The following NEMP2 variants were observed in gnomAD, a reference collection of about 807,000 sequenced individuals.
NEMP2 encodes nuclear envelope integral membrane protein 2, also known as UPF0571 transmembrane protein.
NEMP2 carries 53 observed loss-of-function variants against 54.2 expected under a neutral mutation model. The observed-to-expected ratio is 0.98, with a 90% CI of 0.78 to 1.23. NEMP2 has a LOEUF of 1.23. Ranked by LOEUF, NEMP2 falls within the 50% of genes most tolerant of loss-of-function variation. The pLI is 0.00. For missense variants in NEMP2, 455 were observed against 511.3 expected (o/e 0.89, Z 1.06); for synonymous variants, 197 against 190.3 (o/e 1.04, Z -0.29).
At chr2:190,623,515 A>C in the NEMP2 span, among the ~76,000 whole-genome samples, 2 of 152,228 alleles carry the variant, frequency 1.3e-5, no homozygotes, top group African/African-American at 4.8e-5. Flanking sequence ...AAATCCATGC[A>C]TTTACAGCTA....
At chr2:190,596,069 A>G in the NEMP2 span, among the ~76,000 whole-genome samples, 3 of 152,256 alleles carry the variant, frequency 2.0e-5, no homozygotes, top group Admixed American at 1.3e-4. This position sits in a 1 kb window ranked among gnomAD's most constrained non-coding sequence, Gnocchi z 5.1. Context: ...CTATGCAGCC[A>G]TAAAAAAGGA....
At chr2:190,639,243 A>C in the NEMP2 span, among the ~76,000 whole-genome samples, 1 of 151,990 alleles carries the variant, frequency 6.6e-6, no homozygotes, top group East Asian at 1.9e-4. Flanking sequence ...ATGGTCAAAG[A>C]ATTTGGTGTG....
At chr2:190,575,152 G>A in the NEMP2 span, among the ~76,000 whole-genome samples, 2 of 151,972 alleles carry the variant, frequency 1.3e-5, no homozygotes, top group African/African-American at 4.8e-5. Context: ...ACCGTGCCCA[G>A]CCGACTCTGT....
chr2:190,546,157 T>G, the NEMP2 span, among the ~76,000 whole-genome samples: 1 of 152,196 alleles, frequency 6.6e-6, no homozygotes, highest in Admixed American at 6.6e-5. This position sits in a 1 kb window ranked among gnomAD's most constrained non-coding sequence, Gnocchi z 5.1. Context: ...AAATACACAG[T>G]CAGCCCCTCC....
intron 6 of NEMP2, 136 bp downstream of exon 6, chr2:190,516,131 ATAT>A: frequency 1.8e-6 from 1 of 565,022 alleles, no homozygotes; most frequent in Non-Finnish European, 3.1e-6. Flanking sequence ...GATAAACAAA[ATAT>A]TATTTTTAGT....
At chr2:190,593,730 A>G in the NEMP2 span, among the ~76,000 whole-genome samples, 7 of 152,208 alleles carry the variant, frequency 4.6e-5, no homozygotes, top group Non-Finnish European at 8.8e-5. This position sits in a 1 kb window ranked among gnomAD's most constrained non-coding sequence, Gnocchi z 4.5. Flanking sequence ...AACTGTTGCT[A>G]TATAATGGAA....
At chr2:190,497,837 A>C in the NEMP2 span, 1 of 1,214,556 alleles carries the variant, frequency 8.2e-7, no homozygotes, top group South Asian at 1.5e-5. This position sits in a 1 kb window ranked among gnomAD's most constrained non-coding sequence, Gnocchi z 5.2. Flanking sequence ...GGTGGGGGAA[A>C]TAGACATGCA....
the NEMP2 span, among the ~76,000 whole-genome samples, chr2:190,465,489 GTAATCTTATGTA>G: frequency 2.0e-5 from 3 of 151,760 alleles, no homozygotes; most frequent in Admixed American, 6.6e-5. The surrounding 1 kb of genome is among the most constrained non-coding windows in gnomAD (Gnocchi z 4.6). Context: ...TTATACATCA[GTAATCTTATGTA>G]TAATCTTATG....
the NEMP2 span, among the ~76,000 whole-genome samples, chr2:190,497,270 T>G: frequency 6.6e-6 from 1 of 152,158 alleles, no homozygotes; most frequent in Admixed American, 6.5e-5. The surrounding 1 kb of genome is among the most constrained non-coding windows in gnomAD (Gnocchi z 5.2). Flanking sequence ...TGTTCATTGA[T>G]TCAGTACTTA....
Position 190,529,550 on chromosome 2 carries a change from T to C in NEMP2, c.98-4172A>G, listed in dbSNP as rs1691067156. ...CAAACACACCCCAACCACTTCCACC[T>C]GCTTTATTCTTTCTTCATATTACAT... On this transcript the variant is annotated intron_variant, in intron 1 of 8. Transcript: ENST00000409150. The surrounding 1 kb of genome is among the most constrained non-coding windows in gnomAD (Gnocchi z 4.7). Among the ~76,000 whole-genome samples the C allele has an allele frequency of 6.6e-6, 1 of 152,254 alleles. No individual in the cohort carries two copies. Among genetic ancestry groups the C allele is most frequent in the South Asian group, 2.1e-4 (1 of 4,832 alleles).
the NEMP2 span, among the ~76,000 whole-genome samples, chr2:190,641,765 A>G: frequency 1.3e-5 from 2 of 152,202 alleles, no homozygotes; most frequent in Non-Finnish European, 2.9e-5. Context: ...AGTTAACTAT[A>G]CAAGTCCTGC....
At chr2:190,621,064 T>A in the NEMP2 span, among the ~76,000 whole-genome samples, 1 of 152,186 alleles carries the variant, frequency 6.6e-6, no homozygotes, top group Non-Finnish European at 1.5e-5. Context: ...ATCTAAAAGA[T>A]CTACACCAAC....
At position 190,528,446 on chromosome 2, in the gene NEMP2, CA is replaced by C. The variant is rs1379876225; in HGVS notation, c.98-3069del. ...TAACTTTATACTGGGAGTCCTCAAA[CA>C]AAAGTGATTCCTACCTATCGTTGGA... On this transcript the variant is annotated intron_variant, in intron 1 of 8. Coordinates refer to ENST00000409150, the MANE Select transcript of NEMP2 (RefSeq NM_001142645.2). The surrounding 1 kb of genome is among the most constrained non-coding windows in gnomAD (Gnocchi z 4.3). Among the ~76,000 whole-genome samples the C allele has an allele frequency of 6.6e-6, 1 of 152,134 alleles. No homozygotes were observed. The highest frequency in any genetic ancestry group is 1.5e-5 in the Non-Finnish European group (1 of 68,028).
At chr2:190,544,054 T>C in the NEMP2 span, among the ~76,000 whole-genome samples, 16 of 152,228 alleles carry the variant, frequency 1.1e-4, no homozygotes, top group Non-Finnish European at 1.5e-4. Context: ...AAGAAAAATT[T>C]AGTCTGTTAC....
chr2:190,444,485 T>C, the NEMP2 span, among the ~76,000 whole-genome samples: 1 of 152,252 alleles, frequency 6.6e-6, no homozygotes, highest in African/African-American at 2.4e-5. Flanking sequence ...AGGAGTTTAC[T>C]CACAAGGTCT....
the NEMP2 span, among the ~76,000 whole-genome samples, chr2:190,430,224 AATTG>A: frequency 1.1e-5 from 1 of 90,864 alleles, no homozygotes; most frequent in African/African-American, 4.1e-5. Context: ...TTTTTTTTTT[AATTG>A]ATCATTCTTG....
chr2:190,591,257 T>C, the NEMP2 span, among the ~76,000 whole-genome samples: 7 of 152,252 alleles, frequency 4.6e-5, no homozygotes, highest in African/African-American at 1.7e-4. The surrounding 1 kb of genome is among the most constrained non-coding windows in gnomAD (Gnocchi z 5.4). Context: ...GTGGTGACAA[T>C]GTGTACAACA....
the NEMP2 span, chr2:190,437,058 C>T: frequency 6.2e-7 from 1 of 1,614,094 alleles, no homozygotes; most frequent in East Asian, 2.2e-5. The surrounding 1 kb of genome is among the most constrained non-coding windows in gnomAD (Gnocchi z 5.9). Flanking sequence ...TGTCTGTGGG[C>T]ATCGGGATCG....
At chr2:190,447,977 C>A in the NEMP2 span, among the ~76,000 whole-genome samples, 1 of 152,154 alleles carries the variant, frequency 6.6e-6, no homozygotes, top group Non-Finnish European at 1.5e-5. The surrounding 1 kb of genome is among the most constrained non-coding windows in gnomAD (Gnocchi z 4.5). Context: ...GCCATTGTTG[C>A]AAAGTGGTAT....
Sources: allele counts gnomAD v4.1 joint callset (sites outside exome capture counted in the v4.1 genomes callset), GRCh38; gene constraint gnomAD v4.1.1; non-coding constraint Gnocchi (gnomAD v3.1); transcripts MANE v1.5; gene names NCBI Gene and HGNC (gene_info 2026-07-23, HGNC 2026-07-21).